HUWE1: variants seen among roughly 807,000 people sequenced by gnomAD.
The protein encoded by HUWE1 is E3 ubiquitin-protein ligase HUWE1.
Under a neutral mutation model 299.4 loss-of-function variants are expected in HUWE1, and 18 were observed. That is an observed-to-expected ratio of 0.06 (90% CI 0.04 to 0.09). HUWE1 has a LOEUF of 0.09. HUWE1 is among the 10% of genes least tolerant of loss of function. The pLI is 1.00. For missense variants in HUWE1, 1,832 were observed against 3,462.3 expected, an observed-to-expected ratio of 0.53 and a Z score of 11.82; for synonymous variants, 1,317 against 1,286.1, an observed-to-expected ratio of 1.02 and a Z score of -0.51.
intron 2 of HUWE1, among the ~76,000 whole-genome samples, chrX:53,682,752 A>G (rs944786448): frequency 9.0e-6 from 1 of 111,387 alleles, no homozygotes; most frequent in African/African-American, 3.3e-5. Context: ...CCAGAAACTC[A>G]GAGCAAGGCA....
chrX:53,622,360 T>C (rs951949564), intron 19 of HUWE1, among the ~76,000 whole-genome samples: 14 of 111,811 alleles, frequency 1.3e-4, no homozygotes, highest in Non-Finnish European at 1.9e-5. Flanking sequence ...CTTCTACCCA[T>C]ACAAGCTGAC....
intron 59 of HUWE1, among the ~76,000 whole-genome samples, chrX:53,557,757 T>C (rs781983924): frequency 7.1e-5 from 8 of 112,144 alleles, no homozygotes; most frequent in Non-Finnish European, 1.3e-4. Context: ...TTTCCCTTCA[T>C]GGGGCTTATT....
Position 53,561,899 on chromosome X carries a change from T to TCTCCCTCTTCAC in HUWE1, c.7352_7363dup (p.Gly2451_Gly2454dup). 8.3e-7 allele frequency: 1 copy of TCTCCCTCTTCAC among 1,211,218 alleles called. No homozygotes were observed. The highest frequency in any genetic ancestry group is 1.7e-5 in the African/African-American group (1 of 57,726). ...AGAGCCATCGTCGTCATCGTCTTCA[T>TCTCCCTCTTCAC]CTCCCTCTTCACCTTCATCATCCTC... On this transcript the variant is annotated inframe_insertion, in exon 55 of 84. Transcript: ENST00000262854.
At chrX:53,597,986 G>A (rs782429333) in intron 29 of HUWE1, among the ~76,000 whole-genome samples, 5 of 111,682 alleles carry the variant, frequency 4.5e-5, no homozygotes, top group African/African-American at 1.3e-4. Context: ...TTATGACAGC[G>A]CCAATCAAGG....
chrX:53,683,445 G>A (rs1303890275), intron 2 of HUWE1, among the ~76,000 whole-genome samples: 2 of 110,927 alleles, frequency 1.8e-5, no homozygotes, highest in African/African-American at 6.6e-5. Context: ...AAAAGGTAGG[G>A]GAAAGGGGCC....
chrX:53,685,067 A>G (rs965597582), intron 2 of HUWE1, among the ~76,000 whole-genome samples: 3 of 112,423 alleles, frequency 2.7e-5, no homozygotes, highest in Non-Finnish European at 3.8e-5. Context: ...AAATCTTGGG[A>G]TCCAATCTGG....
intron 42 of HUWE1, among the ~76,000 whole-genome samples, chrX:53,582,762 C>T (rs2063683125): frequency 9.5e-6 from 1 of 105,455 alleles, no homozygotes; most frequent in South Asian, 4.1e-4. Flanking sequence ...CTGTTGTCTT[C>T]TTTTTTTTTT....
intron 4 of HUWE1, among the ~76,000 whole-genome samples, chrX:53,653,568 A>C (rs1357010610): frequency 2.7e-5 from 3 of 112,219 alleles, no homozygotes; most frequent in Non-Finnish European, 5.6e-5. Context: ...ACAAAGGGTT[A>C]ATTGATATGA....
Position 53,624,526 on chromosome X carries a change from T to C in HUWE1, c.1672+69A>G, listed in dbSNP as rs1225900822. The C allele has an allele frequency of 2.2e-5, 15 of 697,202 alleles. No individual in the cohort carries two copies. The East Asian group carries it at 4.2e-4, about 20-fold the overall frequency. 57.5% of individuals were successfully genotyped at this position (697,202 alleles called of 1,213,427 possible). ...ATAAATAAGTAAATAAGTAAGTAAG[T>C]AAATACAGAGAGAGAGAGCTCTGCC... On this transcript the variant is annotated intron_variant, in intron 19 of 83. Coordinates refer to ENST00000262854, the MANE Select transcript of HUWE1 (RefSeq NM_031407.7).
At chrX:53,538,761 A>G (rs1602507260) in intron 76 of HUWE1, 74 bp downstream of exon 76, 2 of 945,329 alleles carry the variant, frequency 2.1e-6, no homozygotes, top group East Asian at 3.4e-5. Flanking sequence ...CTCATCAACT[A>G]AGGATTAACT....
At chrX:53,658,048 T>TAAAAAAAAAAAA (rs1557043764) in intron 3 of HUWE1, among the ~76,000 whole-genome samples, 1 of 1,471 alleles carries the variant, frequency 6.8e-4, no homozygotes, top group East Asian at 7.5e-3. Context: ...AGACTCCGTC[T>TAAAAAAAAAAAA]CAAAAAAAAA....
chrX:53,648,666 A>C (rs2068253815), intron 4 of HUWE1, among the ~76,000 whole-genome samples: 1 of 110,182 alleles, frequency 9.1e-6, no homozygotes, highest in African/African-American at 3.3e-5. Flanking sequence ...AAAAAAAAAA[A>C]AACAATTAAG....
intron 8 of HUWE1, among the ~76,000 whole-genome samples, chrX:53,633,503 G>C (rs781991051): frequency 1.8e-5 from 2 of 111,977 alleles, no homozygotes; most frequent in Non-Finnish European, 3.8e-5. Flanking sequence ...GCTAACGTGG[G>C]AAAGTAACTT....
At position 53,532,282 on chromosome X, in the gene HUWE1, A is replaced by G. The variant is rs2060811014; in HGVS notation, c.*1027T>C. On this transcript the variant is annotated 3_prime_UTR_variant, in exon 84 of 84. Coordinates refer to ENST00000262854, the MANE Select transcript of HUWE1 (RefSeq NM_031407.7). ...GGAGTGACGACAACAAAAATAGACA[A>G]ACAAAAATAATGGTCTTCTGGCGAC... is the stretch of plus-strand genomic sequence containing the variant. The G allele has an allele frequency of 9.0e-6, 1 of 111,496 alleles. No homozygotes were observed. The highest frequency in any genetic ancestry group is 3.3e-5 in the African/African-American group (1 of 30,660). The allele number at this position is 111,496 out of a possible 1,213,427, so 9.2% of individuals were successfully genotyped here.
At chrX:53,685,670 G>A (rs183624981) in intron 2 of HUWE1, among the ~76,000 whole-genome samples, 2 of 111,777 alleles carry the variant, frequency 1.8e-5, no homozygotes, top group Non-Finnish European at 3.8e-5. Flanking sequence ...TTGATAATAC[G>A]TGTTGGCATA....
chrX:53,534,788 T>C (rs2060929477), intron 81 of HUWE1, 91 bp from the exon 82 acceptor site: 2 of 781,038 alleles, frequency 2.6e-6, no homozygotes, highest in African/African-American at 4.1e-5. Context: ...CTACCACTGT[T>C]AGCTGGGACT....
intron 74 of HUWE1, 100 bp from the exon 75 acceptor site, chrX:53,539,912 A>G (rs2146991938): frequency 1.2e-6 from 1 of 826,936 alleles, no homozygotes; most frequent in South Asian, 2.5e-5. Context: ...GAACAAGTAG[A>G]GGGGACCACT....
chrX:53,676,531 G>C (rs782421987), intron 3 of HUWE1, among the ~76,000 whole-genome samples: 1 of 112,200 alleles, frequency 8.9e-6, no homozygotes, highest in Admixed American at 9.5e-5. Flanking sequence ...GGCAAAAACA[G>C]AATTTCTTTT....
rs113295951 is a variant in HUWE1, at chrX:53,569,184, G to A, written c.6525-310C>T. ...TGGGACTACGGGAGCGTGCCACTAC[G>A]CCCAGCTAATTTTCTGTAGAGACAG... On this transcript the variant is annotated intron_variant, in intron 48 of 83. Transcript: ENST00000262854. Among the ~76,000 whole-genome samples the A allele has an allele frequency of 0.013, 1,420 of 111,310 alleles. 26 individuals are homozygous for A. The highest frequency in any genetic ancestry group is 0.044 in the African/African-American group (1,348 of 30,557).
Sources: gnomAD v4.1 joint callset for allele counts (sites outside exome capture counted in the v4.1 genomes callset) on GRCh38, gnomAD v4.1.1 for gene constraint, MANE v1.5 for transcripts, NCBI Gene and HGNC (gene_info 2026-07-23, HGNC 2026-07-21) for gene names.